Variants in CHMP3 observed in about 807,000 individuals in gnomAD.
CHMP3 encodes charged multivesicular body protein 3.
CHMP3 carries 8 observed loss-of-function variants against 27.4 expected under a neutral mutation model. The ratio of observed to expected loss-of-function variants is 0.29; its 90% CI spans 0.17 to 0.53. The LOEUF is 0.53. Among genes scored for constraint, CHMP3 ranks in the 20% least tolerant of loss-of-function variants. The pLI, the probability that CHMP3 is intolerant of heterozygous loss-of-function variation, is 0.96. For missense variants in CHMP3, 208 were observed against 271.5 expected (o/e 0.77, Z 1.64); for synonymous variants, 86 against 85.5 (o/e 1.01, Z -0.03).
At chr2:86,551,006 T>A (rs151095110) in intron 1 of CHMP3, among the ~76,000 whole-genome samples, 60 of 152,380 alleles carry the variant, frequency 3.9e-4, no homozygotes, top group African/African-American at 1.4e-3. Flanking sequence ...GAGAAATGAC[T>A]ACATATGAAA....
intron 1 of CHMP3, chr2:86,562,593 A>G (rs969615745): frequency 2.6e-5 from 4 of 152,218 alleles, no homozygotes; most frequent in Admixed American, 2.0e-4. Context: ...TGAGAAGTGA[A>G]CTTTCCAGAG....
intron 1 of CHMP3, among the ~76,000 whole-genome samples, chr2:86,560,695 AAAGTAT>A (rs1677315568): frequency 6.6e-6 from 1 of 151,400 alleles, no homozygotes; most frequent in African/African-American, 2.5e-5. Context: ...CCCAGAACTT[AAAGTAT>A]AATTTAAAAA....
chr2:86,547,278 G>T (rs974466556), intron 1 of CHMP3, among the ~76,000 whole-genome samples: 6 of 152,188 alleles, frequency 3.9e-5, no homozygotes, highest in Non-Finnish European at 7.3e-5. Context: ...CGGAATACAA[G>T]ATGTGATGGG....
At position 86,529,349 on chromosome 2, in the gene CHMP3, G is replaced by A. The variant is rs139264120; in HGVS notation, c.155C>T (p.Ala52Val). 13 of 1,609,920 alleles carry A rather than the reference G, an allele frequency of 8.1e-6. No homozygotes were observed. The African/African-American group carries it at 1.7e-4, about 22-fold the overall frequency. ...GCAGACATCCTTCTGGCCCTTCTTG[G>A]CAGCATCTTTCACAGATCGTTTCAC... ...EKVKRSVKDA[A>V]KKGQKDVCIV... The change falls in exon 3 of 6, where the codon GCC becomes GTC. Residue 52 changes from alanine (A) to valine (V), a missense_variant. Ala to Val is a moderately conservative substitution (Grantham distance 64). This residue lies in a region of CHMP3 where 94 missense variants were observed against 159.6 expected (regional missense o/e 0.59). Coordinates refer to ENST00000263856, the MANE Select transcript of CHMP3 (RefSeq NM_016079.4).
At chr2:86,531,578 C>T (rs1200044671) in intron 2 of CHMP3, among the ~76,000 whole-genome samples, 2 of 152,114 alleles carry the variant, frequency 1.3e-5, no homozygotes, top group East Asian at 1.9e-4. Context: ...GTGTTTTTTT[C>T]TAAGAGTTTT....
chr2:86,504,482 T>G lies in CHMP3; in HGVS notation c.*1322A>C, dbSNP rs997865208. 2 of 150,270 alleles carry G rather than the reference T, an allele frequency of 1.3e-5. No individual in the cohort carries two copies. The highest frequency in any genetic ancestry group is 3.0e-5 in the Non-Finnish European group (2 of 67,658). The allele number at this position is 150,270 out of a possible 1,614,324, so 9.3% of individuals were successfully genotyped here. A position where few individuals can be genotyped will look rare whatever the true frequency, so the allele number is the denominator to read the frequency against. ...GAAATCAAGAGTAATAGGAGGGTCC[T>G]CTGGACTCAAAAATGAAATTTTTTT... On this transcript the variant is annotated 3_prime_UTR_variant, in exon 6 of 6. Transcript: ENST00000263856.
intron 2 of CHMP3, among the ~76,000 whole-genome samples, chr2:86,538,518 G>A (rs2103974205): frequency 6.6e-6 from 1 of 152,298 alleles, no homozygotes; most frequent in African/African-American, 2.4e-5. Flanking sequence ...AAAACAGAGA[G>A]AAATATATCT....
intron 3 of CHMP3, among the ~76,000 whole-genome samples, chr2:86,515,461 T>C (rs13002938): frequency 1.3e-5 from 2 of 152,254 alleles, no homozygotes; most frequent in Non-Finnish European, 2.9e-5. Flanking sequence ...TAGTTGGGAT[T>C]ATAGGTGTGC....
intron 1 of CHMP3, among the ~76,000 whole-genome samples, chr2:86,559,449 T>A (rs1677260513): frequency 6.6e-6 from 1 of 152,190 alleles, no homozygotes; most frequent in Admixed American, 6.5e-5. Context: ...CAACTACCTA[T>A]CTATCCATCC....
chr2:86,520,282 G>A (rs1332683353), intron 3 of CHMP3, among the ~76,000 whole-genome samples: 6 of 152,198 alleles, frequency 3.9e-5, no homozygotes, highest in Admixed American at 3.3e-4. Flanking sequence ...TCTGTGGGCT[G>A]TACAGGCTTC....
In CHMP3 at chr2:86,563,434, G is replaced by A. The variant is rs1448880300; in HGVS notation, c.-86C>T. The A allele has an allele frequency of 6.5e-7, 1 of 1,533,166 alleles. No individual in the cohort carries two copies. Among genetic ancestry groups the A allele is most frequent in the Non-Finnish European group, 9.0e-7 (1 of 1,111,756 alleles). 95.0% of individuals were successfully genotyped at this position (1,533,166 alleles called of 1,614,324 possible). ...GGGCAGCCGCCTGGGCGGGGCCCGC[G>A]GAAAAGGAGGTAGTCCCAACCCCCA... On this transcript the variant is annotated 5_prime_UTR_variant, in exon 1 of 6. Transcript: ENST00000263856.
At chr2:86,558,151 C>G (rs558353810) in intron 1 of CHMP3, among the ~76,000 whole-genome samples, 2 of 152,194 alleles carry the variant, frequency 1.3e-5, no homozygotes, top group Non-Finnish European at 2.9e-5. Context: ...ATTTTCCCAG[C>G]AGAACCTCAA....
chr2:86,542,379 A>C, intron 1 of CHMP3, 67 bp from the exon 2 acceptor site: 2 of 1,440,356 alleles, frequency 1.4e-6, no homozygotes, highest in Non-Finnish European at 1.9e-6. Flanking sequence ...TAATTTAAGA[A>C]TTTTGTATTA....
intron 3 of CHMP3, among the ~76,000 whole-genome samples, chr2:86,513,304 C>A (rs1558644868): frequency 6.6e-6 from 1 of 152,024 alleles, no homozygotes; most frequent in African/African-American, 2.4e-5. Context: ...CTAGAAAAGG[C>A]AAAACTATGG....
Position 86,507,490 on chromosome 2 carries a change from T to C in CHMP3, c.512A>G (p.Glu171Gly), listed in dbSNP as rs1298238295. 10 of 1,614,142 alleles carry C rather than the reference T, an allele frequency of 6.2e-6. No homozygotes were observed. In the African/African-American group the frequency reaches 1.2e-4, roughly 19 times the overall value. ...TCTCACGGTCATACCTGCTGTAATTTCAAAGAGAATTCTGTCAATTTCCAT... is the reference window on the plus strand; with the variant it reads ...TCTCACGGTCATACCTGCTGTAATTCCAAAGAGAATTCTGTCAATTTCCAT... The part of the protein sequence containing the change: ...AEMEIDRILF[E>G]ITAGALGKAP... Residue 171 changes from glutamate (E) to glycine (G), a missense_variant, in exon 5 of 6, where the codon GAA becomes GGA. This residue lies in a region of CHMP3 where 62 missense variants were observed against 68.4 expected (regional missense o/e 0.91). Coordinates refer to ENST00000263856, the MANE Select transcript of CHMP3 (RefSeq NM_016079.4).
In CHMP3 at chr2:86,505,941, C is replaced by T; in HGVS notation, c.532G>A (p.Gly178Ser). Residue 178 changes from glycine (G) to serine (S), a missense_variant, in exon 6 of 6, where the codon GGC (glycine) becomes AGC (serine). Gly to Ser is a moderately conservative substitution (Grantham distance 56). Coordinates refer to ENST00000263856, the MANE Select transcript of CHMP3 (RefSeq NM_016079.4). ...TCAGTCACTTTACTGGGTGCTTTGC[C>T]CAAGGCCCCTGAAAAGAAAGAGCAA... is the stretch of plus-strand genomic sequence containing the variant. ...ILFEITAGAL[G>S]KAPSKVTDAL... 6.4e-7 allele frequency: 1 copy of T among 1,562,052 alleles called. No homozygotes were observed. Among genetic ancestry groups the T allele is most frequent in the Non-Finnish European group, 8.7e-7 (1 of 1,150,984 alleles).
chr2:86,510,706 T>C, intron 3 of CHMP3: 1 of 504,714 alleles, frequency 2.0e-6, no homozygotes, highest in African/African-American at 2.0e-5. Context: ...GCACACCACA[T>C]GACCAATCTG....
intron 1 of CHMP3, among the ~76,000 whole-genome samples, chr2:86,552,551 A>G (rs1274318406): frequency 2.6e-5 from 4 of 152,242 alleles, no homozygotes; most frequent in Non-Finnish European, 4.4e-5. Context: ...GGACATTCAC[A>G]TGGTGCTAAA....
chr2:86,537,682 G>A (rs1461673593), intron 2 of CHMP3, among the ~76,000 whole-genome samples: 2 of 152,132 alleles, frequency 1.3e-5, no homozygotes, highest in Non-Finnish European at 2.9e-5. Flanking sequence ...GGTGTCTGTA[G>A]TAAAGATCAG....
Sources: allele counts gnomAD v4.1 joint callset (sites outside exome capture counted in the v4.1 genomes callset), GRCh38; gene constraint gnomAD v4.1.1; regional missense constraint gnomAD v4.1.1; transcripts MANE v1.5; gene names NCBI Gene and HGNC (gene_info 2026-07-23, HGNC 2026-07-21).